The following AKAP9 variants were observed in gnomAD, a reference collection of about 807,000 sequenced individuals.
The protein encoded by AKAP9 is A-kinase anchoring protein 9.
In AKAP9, 311 loss-of-function variants were observed where a neutral mutation model predicts 488.5. The observed-to-expected ratio is 0.64, with a 90% CI of 0.58 to 0.70. The LOEUF is 0.70. Among genes scored for constraint, AKAP9 ranks in the 30% least tolerant of loss-of-function variants. AKAP9 has a pLI of 0.00. For synonymous variants in AKAP9, 1,462 were observed against 1,483.5 expected, an observed-to-expected ratio of 0.99 and a Z score of 0.33; for missense variants, 4,215 against 4,374.5, an observed-to-expected ratio of 0.96 and a Z score of 1.03.
chr7:92,069,548 A>G (rs565058086), intron 26 of AKAP9, among the ~76,000 whole-genome samples: 2 of 152,312 alleles, frequency 1.3e-5, no homozygotes, highest in South Asian at 2.1e-4. Context: ...TGAAATGAAG[A>G]TATGTTTTAT....
intron 40 of AKAP9, among the ~76,000 whole-genome samples, chr7:92,095,384 C>T (rs6959040): frequency 4.7e-4 from 72 of 152,274 alleles, no homozygotes; most frequent in African/African-American, 1.7e-3. Context: ...TGTTTTGCTA[C>T]ATCCAAAGAT....
chr7:91,955,336 A>G (rs780495763), intron 1 of AKAP9, among the ~76,000 whole-genome samples: 2 of 152,222 alleles, frequency 1.3e-5, no homozygotes, highest in Non-Finnish European at 2.9e-5. Context: ...GATAAAAAGA[A>G]CACCTCTATA....
At chr7:92,064,638 G>T (rs1057469769) in intron 24 of AKAP9, among the ~76,000 whole-genome samples, 3 of 152,094 alleles carry the variant, frequency 2.0e-5, no homozygotes, top group Non-Finnish European at 2.9e-5. Flanking sequence ...ATACATGTCA[G>T]TTTTCCCTTG....
Position 92,065,257 on chromosome 7 carries a change from A to G in AKAP9, c.6004A>G (p.Met2002Val), listed in dbSNP as rs1463067477. 2 of 1,611,146 alleles carry G rather than the reference A, an allele frequency of 1.2e-6. No homozygotes were observed. Among genetic ancestry groups the G allele is most frequent in the Non-Finnish European group, 1.7e-6 (2 of 1,178,410 alleles). ...ATTACTACAGGAGACAGAAAAATTA[A>G]TGAAGGAAAAACTAGAAGTACAATG... The part of the protein sequence containing the change: ...QQLLQETEKL[M>V]KEKLEVQCQA... The change falls in exon 25 of 50, where the codon ATG (methionine) becomes GTG (valine). Residue 2002 changes from methionine (M) to valine (V), a missense_variant. This residue lies in a region of AKAP9 where 2,361 missense variants were observed against 2,430.0 expected (regional missense o/e 0.97). Coordinates refer to ENST00000356239, the MANE Select transcript of AKAP9 (RefSeq NM_005751.5).
At chr7:92,055,684 CTA>C (rs1808679140) in intron 22 of AKAP9, among the ~76,000 whole-genome samples, 2 of 151,986 alleles carry the variant, frequency 1.3e-5, no homozygotes, top group Admixed American at 6.6e-5. Context: ...TTTATTATAA[CTA>C]TTTTTGATTG....
rs1455721191 is a variant in AKAP9, at chr7:92,082,519, C to G, written c.8020-3C>G. 6.2e-7 allele frequency: 1 copy of G among 1,613,320 alleles called. No homozygotes were observed. On this transcript the variant is annotated splice_polypyrimidine_tract_variant and splice_region_variant and intron_variant, in intron 31 of 49. Transcript: ENST00000356239. Reference sequence around the variant, plus strand: ...TGTTTCTTGTGTTTCCGCTGTCATTCAGACAACTACTGAGCTATTTCATAG... The same window carrying G: ...TGTTTCTTGTGTTTCCGCTGTCATTGAGACAACTACTGAGCTATTTCATAG...
rs189273936 is a variant in AKAP9, at chr7:91,967,617, T to A, written c.49-6094T>A. Among the ~76,000 whole-genome samples, 342 of 152,358 alleles carry A rather than the reference T, an allele frequency of 2.2e-3. 1 individual carries two copies. The highest frequency in any genetic ancestry group is 2.1e-3 in the Non-Finnish European group (145 of 68,028). On this transcript the variant is annotated intron_variant, in intron 1 of 49. Transcript: ENST00000356239. ...TGTATCATATTTATTGATTTGCACA[T>A]GTTTAACTATCCTTGTGTCTTTGGG...
rs759320711 is a variant in AKAP9, at chr7:92,079,530, A to T, written c.7397A>T (p.Glu2466Val). Residue 2466 changes from glutamate to valine, a missense_variant, in exon 31 of 50, where the codon GAA (glutamate) becomes GTA (valine). Coordinates refer to ENST00000356239, the MANE Select transcript of AKAP9 (RefSeq NM_005751.5). The stretch of plus-strand genomic sequence containing the variant: ...CTGAGCAAAGACAAACCTGAACTAG[A>T]AGTAGTCCTTACAGAGGATGCTCTT... ...DHLSKDKPEL[E>V]VVLTEDALKS... The T allele has an allele frequency of 9.9e-6, 16 of 1,613,878 alleles. No homozygotes were observed. The highest frequency in any genetic ancestry group is 1.4e-5 in the Non-Finnish European group (16 of 1,180,000).
chr7:92,012,686 A>G (rs1269367260), intron 9 of AKAP9, 44 bp downstream of exon 9: 2 of 1,451,786 alleles, frequency 1.4e-6, no homozygotes, highest in Admixed American at 1.7e-5. Flanking sequence ...CCAAATAAGT[A>G]TTGGATAGAG....
chr7:91,959,238 G>GTGT (rs1393959234), intron 1 of AKAP9, among the ~76,000 whole-genome samples: 1 of 152,086 alleles, frequency 6.6e-6, no homozygotes, highest in Non-Finnish European at 1.5e-5. Flanking sequence ...TTGTGCAATA[G>GTGT]TGTAACCATG....
chr7:92,085,103 AAAGT>A (rs1356617518), intron 35 of AKAP9, among the ~76,000 whole-genome samples, 163 bp downstream of exon 35: 6 of 152,242 alleles, frequency 3.9e-5, no homozygotes, highest in Admixed American at 6.5e-5. Flanking sequence ...CACAGATAAT[AAAGT>A]AAGAGATTAA....
chr7:92,011,058 C>G (rs537114310), intron 8 of AKAP9, among the ~76,000 whole-genome samples: 1 of 151,950 alleles, frequency 6.6e-6, no homozygotes, highest in Non-Finnish European at 1.5e-5. Flanking sequence ...ATTTCTTAAC[C>G]GCAGTAATTG....
intron 3 of AKAP9, among the ~76,000 whole-genome samples, chr7:91,991,535 G>A (rs984948803): frequency 1.1e-4 from 17 of 149,342 alleles, no homozygotes; most frequent in Non-Finnish European, 2.4e-4. Context: ...GCAGTGGCTC[G>A]ATCTCAGCTC....
chr7:92,051,651 T>G (rs950453797), intron 21 of AKAP9, among the ~76,000 whole-genome samples: 2 of 152,196 alleles, frequency 1.3e-5, no homozygotes, highest in Admixed American at 1.3e-4. Context: ...CTACATAGAT[T>G]AAGAAAATGT....
intron 3 of AKAP9, among the ~76,000 whole-genome samples, chr7:91,989,010 T>A (rs1162522609): frequency 6.6e-6 from 1 of 152,140 alleles, no homozygotes; most frequent in Non-Finnish European, 1.5e-5. Flanking sequence ...CAAAATAAGC[T>A]TGAGAATGTT....
chr7:92,102,170 A>T (rs55932668), intron 45 of AKAP9, among the ~76,000 whole-genome samples: 10,322 of 134,900 alleles, frequency 0.077, 464 homozygotes, highest in African/African-American at 0.1. Flanking sequence ...ATTTAAAAAA[A>T]AAATAAATAA....
intron 7 of AKAP9, among the ~76,000 whole-genome samples, chr7:92,000,416 A>C (rs894853808): frequency 6.6e-6 from 1 of 152,222 alleles, no homozygotes; most frequent in Non-Finnish European, 1.5e-5. Context: ...AAGTCACCAG[A>C]ATACATGTGA....
chr7:91,976,197 A>G (rs1379179142), intron 2 of AKAP9, among the ~76,000 whole-genome samples: 2 of 152,120 alleles, frequency 1.3e-5, no homozygotes, highest in African/African-American at 4.8e-5. Context: ...TGCTGGGACT[A>G]CGGGCATTAG....
At chr7:92,099,203 A>G (rs1361747500) in intron 43 of AKAP9, among the ~76,000 whole-genome samples, 1 of 151,934 alleles carries the variant, frequency 6.6e-6, no homozygotes, top group Non-Finnish European at 1.5e-5. Flanking sequence ...CACACCCTTT[A>G]CTTTCTGTCC....
Sources: allele counts gnomAD v4.1 joint callset (sites outside exome capture counted in the v4.1 genomes callset), GRCh38; gene constraint gnomAD v4.1.1; regional missense constraint gnomAD v4.1.1; transcripts MANE v1.5; gene names NCBI Gene and HGNC (gene_info 2026-07-23, HGNC 2026-07-21).